Variants in VPS54 observed in about 807,000 individuals in gnomAD.
The protein encoded by VPS54 is vacuolar protein sorting-associated protein 54.
VPS54 carries 45 observed loss-of-function variants against 121.5 expected under a neutral mutation model. The observed-to-expected ratio is 0.37, with a 90% CI of 0.29 to 0.47. The LOEUF (loss-of-function observed/expected upper bound fraction) is 0.47. VPS54 is among the 20% of genes least tolerant of loss of function. The pLI is 0.99. For missense variants in VPS54, 1,090 were observed against 1,131.4 expected, an observed-to-expected ratio of 0.96 and a Z score of 0.52; for synonymous variants, 371 against 385.8, an observed-to-expected ratio of 0.96 and a Z score of 0.45.
At chr2:63,994,390 C>G (rs1434215563) in intron 1 of VPS54, among the ~76,000 whole-genome samples, 1 of 152,114 alleles carries the variant, frequency 6.6e-6, no homozygotes, top group African/African-American at 2.4e-5. Flanking sequence ...TCTTATTGGG[C>G]TTATGTGCCT....
rs183684633 is a variant in VPS54 at position 64,012,554 on chromosome 2, A to T, written c.-21+6384T>A. Among the ~76,000 whole-genome samples, 159 of 151,138 alleles carry T rather than the reference A, an allele frequency of 1.1e-3. 1 individual carries two copies. Among genetic ancestry groups the T allele is most frequent in the Middle Eastern group, 3.5e-3 (1 of 286 alleles). ...TATACACAACTCTTAACTTTCTGAG[A>T]TAGAGTATAGGTGTCTACTCTTTTC... On this transcript the variant is annotated intron_variant, in intron 1 of 22. Transcript: ENST00000272322.
rs563493118 is a variant in VPS54, at chr2:63,985,334, A to C, written c.-20-1315T>G. On this transcript the variant is annotated intron_variant, in intron 1 of 22. Transcript: ENST00000272322. ...ACCCCGTCTCAAACAAACAAACAAT[A>C]AATAAAAAATAAGGAGCAGAGATAT... Among the ~76,000 whole-genome samples the C allele has an allele frequency of 2.6e-5, 4 of 152,042 alleles. No individual in the cohort carries two copies. The East Asian group carries it at 5.8e-4, about 22-fold the overall frequency.
intron 12 of VPS54, among the ~76,000 whole-genome samples, chr2:63,923,330 A>AT (rs982173642): frequency 2.0e-5 from 3 of 151,696 alleles, no homozygotes; most frequent in Non-Finnish European, 4.4e-5. Context: ...AAAAAAAATT[A>AT]TTTTTTAACT....
chr2:63,920,027 C>T (rs774045187), intron 14 of VPS54, 32 bp from the exon 15 acceptor site: 3 of 1,551,542 alleles, frequency 1.9e-6, no homozygotes, highest in South Asian at 1.2e-5. Context: ...AGAAGGTAAA[C>T]TTTAACATTT....
intron 9 of VPS54, among the ~76,000 whole-genome samples, chr2:63,946,613 G>A (rs1243323226): frequency 6.6e-6 from 1 of 151,884 alleles, no homozygotes; most frequent in Non-Finnish European, 1.5e-5. Context: ...AATCAATTAA[G>A]CCTAATAAAT....
At chr2:63,993,576 G>A (rs191038686) in intron 1 of VPS54, among the ~76,000 whole-genome samples, 15 of 152,234 alleles carry the variant, frequency 9.9e-5, no homozygotes, top group East Asian at 3.9e-4. Context: ...GGACAGACTC[G>A]GTGTAGAATA....
At chr2:63,944,735 T>A in intron 9 of VPS54, 80 bp from the exon 10 acceptor site, 4 of 1,221,328 alleles carry the variant, frequency 3.3e-6, no homozygotes, top group South Asian at 1.3e-5. Context: ...CATTTGTACA[T>A]TAAAAAGGCC....
chr2:64,017,968 G>C (rs1292353520), intron 1 of VPS54, among the ~76,000 whole-genome samples: 1 of 152,136 alleles, frequency 6.6e-6, no homozygotes, highest in Non-Finnish European at 1.5e-5. Flanking sequence ...TAACTGCTTA[G>C]AAATCATTTA....
chr2:63,960,279 A>G (rs899508750), intron 7 of VPS54, among the ~76,000 whole-genome samples: 1 of 152,218 alleles, frequency 6.6e-6, no homozygotes, highest in African/African-American at 2.4e-5. Context: ...TTTTAAATGA[A>G]GAATATTTTA....
intron 11 of VPS54, among the ~76,000 whole-genome samples, chr2:63,936,809 G>A (rs1437373521): frequency 6.6e-6 from 1 of 152,102 alleles, no homozygotes. Context: ...CATAAAGAGT[G>A]ACATATAGAA....
At chr2:63,969,489 T>C (rs1359221590) in intron 4 of VPS54, among the ~76,000 whole-genome samples, 6 of 152,146 alleles carry the variant, frequency 3.9e-5, no homozygotes, top group Admixed American at 3.9e-4. Context: ...GAGATCTAGG[T>C]TGTGCCCTCC....
chr2:63,925,791 T>C (rs1311923342), intron 12 of VPS54, among the ~76,000 whole-genome samples: 1 of 152,172 alleles, frequency 6.6e-6, no homozygotes. Context: ...GAAAAACCAA[T>C]TGTTTTAATG....
intron 1 of VPS54, among the ~76,000 whole-genome samples, chr2:64,004,607 C>T (rs1185060237): frequency 6.6e-6 from 1 of 152,172 alleles, no homozygotes; most frequent in Non-Finnish European, 1.5e-5. Flanking sequence ...CAATCCAATC[C>T]AATCTCTAGA....
Position 64,009,902 on chromosome 2 carries a change from C to T in VPS54, c.-21+9036G>A, listed in dbSNP as rs901263292. On this transcript the variant is annotated intron_variant, in intron 1 of 22. Coordinates refer to ENST00000272322, the MANE Select transcript of VPS54 (RefSeq NM_016516.3). ...TGTCACTCAGGCTGGAGTGCAGTGGCGTGATCTCGGCTCACTGCAACTTCC... is the reference window on the plus strand; with the variant it reads ...TGTCACTCAGGCTGGAGTGCAGTGGTGTGATCTCGGCTCACTGCAACTTCC... Among the ~76,000 whole-genome samples the T allele has an allele frequency of 6.0e-5, 9 of 150,686 alleles. No homozygotes were observed. The South Asian group carries it at 6.3e-4, about 10-fold the overall frequency.
intron 22 of VPS54, among the ~76,000 whole-genome samples, chr2:63,895,305 G>A (rs6546040): frequency 6.6e-6 from 1 of 151,966 alleles, no homozygotes; most frequent in South Asian, 2.1e-4. Flanking sequence ...AATACAAAAA[G>A]TAGCCAGGCG....
intron 2 of VPS54, among the ~76,000 whole-genome samples, chr2:63,983,317 G>C (rs191281743): frequency 7.9e-4 from 120 of 152,106 alleles, no homozygotes; most frequent in Admixed American, 1.5e-3. Flanking sequence ...ATTTTTGGTA[G>C]AGATGGGGTT....
At chr2:63,989,206 G>A (rs544130411) in intron 1 of VPS54, among the ~76,000 whole-genome samples, 5 of 152,238 alleles carry the variant, frequency 3.3e-5, no homozygotes, top group African/African-American at 4.8e-5. Context: ...CCTGCACAGC[G>A]GGACCGGGAA....
At chr2:63,966,775 C>T (rs1676020266) in intron 5 of VPS54, among the ~76,000 whole-genome samples, 2 of 152,182 alleles carry the variant, frequency 1.3e-5, no homozygotes, top group African/African-American at 4.8e-5. Flanking sequence ...CTTGTCACTC[C>T]CACTATTTAC....
chr2:63,900,665 G>A (rs1672640711), intron 20 of VPS54, among the ~76,000 whole-genome samples: 1 of 152,148 alleles, frequency 6.6e-6, no homozygotes, highest in Non-Finnish European at 1.5e-5. Context: ...TTCCCGAGCT[G>A]CCCACCTGAG....
Sources: gnomAD v4.1 joint callset for allele counts (sites outside exome capture counted in the v4.1 genomes callset) on GRCh38, gnomAD v4.1.1 for gene constraint, MANE v1.5 for transcripts, NCBI Gene and HGNC (gene_info 2026-07-23, HGNC 2026-07-21) for gene names.